NDST4: variants seen among roughly 807,000 people sequenced by gnomAD.
NDST4 encodes N-deacetylase and N-sulfotransferase 4.
In NDST4, 63 loss-of-function variants were observed where a neutral mutation model predicts 100.8. That is an observed-to-expected ratio of 0.62 (90% CI 0.51 to 0.77). NDST4 has a LOEUF of 0.77. NDST4 is among the 30% of genes least tolerant of loss of function. The pLI, the probability that NDST4 is intolerant of heterozygous loss-of-function variation, is 0.00. For synonymous variants in NDST4, 377 were observed against 361.8 expected, an observed-to-expected ratio of 1.04 and a Z score of -0.48; for missense variants, 943 against 1,018.4, an observed-to-expected ratio of 0.93 and a Z score of 1.01.
rs190777648 is a variant in NDST4, at chr4:114,935,190, T to C, written c.1536+16A>G. The stretch of plus-strand genomic sequence containing the variant: ...AATGCTAATCTTATTGTAAGGTGCA[T>C]ACATAGAATACATACTGGGTTTAGA... On this transcript the variant is annotated intron_variant, in intron 6 of 13. Coordinates refer to ENST00000264363, the MANE Select transcript of NDST4 (RefSeq NM_022569.3). 1,296 of 1,574,766 alleles carry C rather than the reference T, an allele frequency of 8.2e-4. 9 individuals carry two copies. In the African/African-American group the frequency reaches 0.016, roughly 19 times the overall value.
intron 6 of NDST4, among the ~76,000 whole-genome samples, chr4:114,917,447 TGATAGTA>T (rs1725197396): frequency 6.6e-6 from 1 of 152,104 alleles, no homozygotes. Context: ...ATTAGTATTT[TGATAGTA>T]GTTGGCCTTA....
chr4:114,833,227 C>G (rs1723238951), intron 12 of NDST4, among the ~76,000 whole-genome samples: 2 of 152,082 alleles, frequency 1.3e-5, no homozygotes, highest in South Asian at 4.1e-4. Context: ...CAATTCTGTC[C>G]TACATATTGC....
At chr4:115,032,068 A>C (rs1256643934) in intron 2 of NDST4, among the ~76,000 whole-genome samples, 1 of 152,128 alleles carries the variant, frequency 6.6e-6, no homozygotes, top group African/African-American at 2.4e-5. Flanking sequence ...TAAAATTATG[A>C]GCTCTTCTTC....
At chr4:115,100,402 G>C (rs1729707186) in intron 1 of NDST4, among the ~76,000 whole-genome samples, 1 of 151,996 alleles carries the variant, frequency 6.6e-6, no homozygotes, top group African/African-American at 2.4e-5. Context: ...GTTGTACACA[G>C]AGAAATATGG....
intron 4 of NDST4, among the ~76,000 whole-genome samples, chr4:114,961,493 A>G (rs2126236420): frequency 6.6e-6 from 1 of 152,178 alleles, no homozygotes; most frequent in Middle Eastern, 3.4e-3. Context: ...GGTAAAATCA[A>G]TAATGAAACT....
intron 2 of NDST4, among the ~76,000 whole-genome samples, chr4:115,023,124 A>G (rs1489681675): frequency 6.6e-6 from 1 of 152,130 alleles, no homozygotes; most frequent in Admixed American, 6.5e-5. Flanking sequence ...AAAAGACTAC[A>G]AAATGGGTGC....
chr4:114,867,145 A>T (rs1724044022), intron 7 of NDST4, among the ~76,000 whole-genome samples: 1 of 152,132 alleles, frequency 6.6e-6, no homozygotes, highest in African/African-American at 2.4e-5. Flanking sequence ...AGGTTGAGCT[A>T]GATGTCCCTA....
chr4:115,045,685 C>T, intron 2 of NDST4, among the ~76,000 whole-genome samples: 1 of 152,140 alleles, frequency 6.6e-6, no homozygotes, highest in Non-Finnish European at 1.5e-5. Flanking sequence ...CAGAAGGACA[C>T]CTGCACCTAA....
intron 7 of NDST4, among the ~76,000 whole-genome samples, chr4:114,858,311 G>A (rs563773779): frequency 4.2e-4 from 64 of 152,110 alleles, no homozygotes; most frequent in Non-Finnish European, 7.8e-4. Flanking sequence ...CTCTGCCCAC[G>A]TAGCCCTGGC....
At chr4:114,854,685 GTCTCTA>G (rs1012612732) in intron 7 of NDST4, among the ~76,000 whole-genome samples, 19 of 152,098 alleles carry the variant, frequency 1.2e-4, no homozygotes, top group African/African-American at 4.3e-4. Flanking sequence ...AGCCAGGATG[GTCTCTA>G]TCTCCTGACC....
At chr4:114,911,886 C>T (rs1265311885) in intron 6 of NDST4, among the ~76,000 whole-genome samples, 1 of 152,048 alleles carries the variant, frequency 6.6e-6, no homozygotes, top group Admixed American at 6.5e-5. Context: ...CTATCATTTA[C>T]CTAGTTTGAG....
chr4:114,827,929 T>C lies in NDST4; in HGVS notation c.2506A>G (p.Thr836Ala). ...TCTCGGTAGTAATTAGAGAGGAACGTTCTAGACTGGAAAGAAAAAAAGAAG... is the reference window on the plus strand; with the variant it reads ...TCTCGGTAGTAATTAGAGAGGAACGCTCTAGACTGGAAAGAAAAAAAGAAG... ...KYPPMDPESR[T>A]FLSNYYRDHN... is the part of the protein sequence containing the mutation. The change falls in exon 14 of 14, where the codon ACG becomes GCG. Residue 836 changes from threonine (T) to alanine (A), a missense_variant. This residue lies in a region of NDST4 where 526 missense variants were observed against 634.1 expected (regional missense o/e 0.83). Coordinates refer to ENST00000264363, the MANE Select transcript of NDST4 (RefSeq NM_022569.3). 1 of 1,592,600 alleles carries C rather than the reference T, an allele frequency of 6.3e-7. No homozygotes were observed. The highest frequency in any genetic ancestry group is 1.4e-5 in the African/African-American group (1 of 73,390).
At chr4:115,047,988 C>T (rs1728500993) in intron 2 of NDST4, among the ~76,000 whole-genome samples, 1 of 151,830 alleles carries the variant, frequency 6.6e-6, no homozygotes, top group African/African-American at 2.4e-5. Context: ...CATGCAGTGT[C>T]GTTATTTGAT....
rs187988200 is a variant in NDST4, at chr4:114,950,100, G to A, written c.1222-12597C>T. ...TTCAAATGTAGAGCTCTAAGCAAAGGTCATTTATACAGTTGGATTTAGGGT... is the reference window on the plus strand; with the variant it reads ...TTCAAATGTAGAGCTCTAAGCAAAGATCATTTATACAGTTGGATTTAGGGT... On this transcript the variant is annotated intron_variant, in intron 4 of 13. Transcript: ENST00000264363. Among the ~76,000 whole-genome samples, 15 of 152,028 alleles carry A rather than the reference G, an allele frequency of 9.9e-5. No homozygotes were observed. The East Asian group carries it at 2.9e-3, about 29-fold the overall frequency.
intron 2 of NDST4, among the ~76,000 whole-genome samples, chr4:115,014,105 T>G (rs948947600): frequency 1.3e-5 from 2 of 152,024 alleles, no homozygotes; most frequent in African/African-American, 4.8e-5. Context: ...TGTTATGCAG[T>G]TATTAATCTG....
intron 1 of NDST4, among the ~76,000 whole-genome samples, chr4:115,098,114 T>C (rs980148520): frequency 4.6e-5 from 7 of 152,184 alleles, no homozygotes; most frequent in Non-Finnish European, 1.0e-4. Context: ...ACATTTCTTC[T>C]TGTCTATCAC....
In NDST4 at chr4:114,839,445, C is replaced by A. The variant is rs1240023189; in HGVS notation, c.2219G>T (p.Arg740Ile). The part of the protein sequence containing the change: ...APSDLKTLQR[R>I]CLVPGWYAVH... ...TGCATACCATCCAGGTACTAGGCATCTTCTCTGCAAAGTTTTTAAGTCAGA... is the reference window on the plus strand; with the variant it reads ...TGCATACCATCCAGGTACTAGGCATATTCTCTGCAAAGTTTTTAAGTCAGA... The change falls in exon 11 of 14, where the codon AGA (arginine) becomes ATA (isoleucine). Residue 740 changes from arginine to isoleucine, a missense_variant. Arg to Ile is a moderately conservative substitution (Grantham distance 97). This residue lies in a region of NDST4 where 526 missense variants were observed against 634.1 expected (regional missense o/e 0.83). Transcript: ENST00000264363. The A allele has an allele frequency of 1.2e-6, 2 of 1,613,930 alleles. No individual in the cohort carries two copies. Among genetic ancestry groups the A allele is most frequent in the Non-Finnish European group, 1.7e-6 (2 of 1,179,884 alleles).
intron 7 of NDST4, among the ~76,000 whole-genome samples, chr4:114,866,635 A>G (rs948499425): frequency 2.0e-5 from 3 of 152,158 alleles, no homozygotes; most frequent in African/African-American, 7.2e-5. Context: ...GAACCAAACA[A>G]AGTCTCATTC....
At chr4:114,894,029 G>T (rs1351794282) in intron 6 of NDST4, among the ~76,000 whole-genome samples, 3 of 152,112 alleles carry the variant, frequency 2.0e-5, no homozygotes, top group African/African-American at 7.2e-5. Flanking sequence ...TGTCAGGTTT[G>T]TTGAAGATCA....
Sources: gnomAD v4.1 joint callset for allele counts (sites outside exome capture counted in the v4.1 genomes callset) on GRCh38, gnomAD v4.1.1 for gene constraint, gnomAD v4.1.1 regional missense constraint, MANE v1.5 for transcripts, NCBI Gene and HGNC (gene_info 2026-07-23, HGNC 2026-07-21) for gene names.